Variants in CPS1 observed in about 807,000 individuals in gnomAD.
CPS1 encodes the protein carbamoyl-phosphate synthase [ammonia], mitochondrial.
CPS1 carries 109 observed loss-of-function variants against 174.6 expected under a neutral mutation model. The observed-to-expected ratio is 0.62, with a 90% CI of 0.53 to 0.73. The LOEUF (loss-of-function observed/expected upper bound fraction) is 0.73, where lower values mean the gene tolerates loss of function less well. Among genes scored for constraint, CPS1 ranks in the 30% least tolerant of loss-of-function variants. The probability of loss-of-function intolerance (pLI) is 0.00; values close to 1 mark genes in which losing one functional copy is unlikely to be tolerated. For synonymous variants in CPS1, 637 were observed against 632.0 expected (o/e 1.01, Z -0.12); for missense variants, 1,689 against 1,821.9 (o/e 0.93, Z 1.33).
At position 210,491,307 on chromosome 2, in the gene CPS1, G is replaced by GTTTTTTTTT. The variant is rs66825517; in HGVS notation, c.3+13564_3+13572dup. Among the ~76,000 whole-genome samples the GTTTTTTTTT allele has an allele frequency of 1.1e-3, 54 of 50,358 alleles. 4 individuals are homozygous for GTTTTTTTTT. The highest frequency in any genetic ancestry group is 4.1e-3 in the African/African-American group (41 of 9,986). The allele number at this position is 50,358 out of a possible 152,430, so 33.0% of individuals were successfully genotyped here. The stretch of plus-strand genomic sequence containing the variant: ...GTAAAAGCATGTATTTGGTATCTGT[G>GTTTTTTTTT]TTTTTTTTTTTTTTTTTTTTTTTTT... On this transcript the variant is annotated intron_variant, in intron 1 of 38. Coordinates refer to the CPS1 transcript ENST00000430249.
chr2:210,494,437 G>A (rs1694941034), intron 1 of CPS1, among the ~76,000 whole-genome samples: 1 of 152,100 alleles, frequency 6.6e-6, no homozygotes, highest in African/African-American at 2.4e-5. Flanking sequence ...CTTGTCAGAA[G>A]TCTTATAACT....
chr2:210,602,136 T>C, intron 15 of CPS1, 66 bp from the exon 16 acceptor site: 8 of 1,598,448 alleles, frequency 5.0e-6, no homozygotes, highest in Non-Finnish European at 6.8e-6. Flanking sequence ...CCAGACTCTC[T>C]TGGTGTGGTC....
chr2:210,577,268 G>A (rs1697743440), intron 3 of CPS1, 153 bp from the exon 4 acceptor site: 1 of 674,414 alleles, frequency 1.5e-6, no homozygotes, highest in Non-Finnish European at 2.7e-6. Flanking sequence ...TAAAAGAAGG[G>A]CATTGATTTT....
chr2:210,658,620 A>G lies in CPS1; in HGVS notation c.3688A>G (p.Ile1230Val), dbSNP rs1700803697. The change falls in exon 31 of 38, where the codon ATT becomes GTT. Residue 1230 changes from isoleucine (I) to valine (V), a missense_variant. Transcript: ENST00000233072. ...TCAGGTGAAGGATGCTACCCGGAAG[A>G]TTGCAAAGGCTTTTGCCATCTCTGG... ...IEKVKDATRK[I>V]AKAFAISGPF... The G allele has an allele frequency of 3.7e-6, 6 of 1,614,064 alleles. No homozygotes were observed. The highest frequency in any genetic ancestry group is 1.1e-5 in the South Asian group (1 of 91,082).
At chr2:210,577,560 G>T in intron 4 of CPS1, 50 bp downstream of exon 4, 1 of 1,370,296 alleles carries the variant, frequency 7.3e-7, no homozygotes. Flanking sequence ...GGTTGAGAAG[G>T]TGCCTGTAGA....
chr2:210,606,446 G>T (rs945948617), intron 17 of CPS1, among the ~76,000 whole-genome samples: 1 of 151,868 alleles, frequency 6.6e-6, no homozygotes, highest in African/African-American at 2.4e-5. Context: ...AATAATTTGA[G>T]ATGAAGAGCA....
At chr2:210,565,672 A>G (rs780496552) in intron 1 of CPS1, among the ~76,000 whole-genome samples, 4 of 152,200 alleles carry the variant, frequency 2.6e-5, no homozygotes, top group Non-Finnish European at 5.9e-5. Flanking sequence ...TGAGATTTTT[A>G]GAAAGTACAG....
intron 1 of CPS1, among the ~76,000 whole-genome samples, chr2:210,537,291 T>A (rs188116283): frequency 6.6e-6 from 1 of 152,342 alleles, no homozygotes; most frequent in Non-Finnish European, 1.5e-5. Context: ...GGTAAAACTC[T>A]TTCTATGTGA....
Position 210,599,251 on chromosome 2 carries a change from C to A in CPS1, c.1360-121C>A. On this transcript the variant is annotated intron_variant, in intron 13 of 37. Transcript: ENST00000233072. ...TAACTTCCATTCACTAGTCCTGTTA[C>A]GGATCTCTACGGCCCACAGATAACC... is the stretch of plus-strand genomic sequence containing the variant. 1 of 834,028 alleles carries A rather than the reference C, an allele frequency of 1.2e-6. No individual in the cohort carries two copies. The highest frequency in any genetic ancestry group is 2.0e-6 in the Non-Finnish European group (1 of 493,120). 51.7% of individuals were successfully genotyped at this position (834,028 alleles called of 1,614,324 possible).
chr2:210,578,750 C>G (rs559971743), intron 4 of CPS1, among the ~76,000 whole-genome samples: 1 of 152,304 alleles, frequency 6.6e-6, no homozygotes, highest in African/African-American at 2.4e-5. Flanking sequence ...CAACTATTAT[C>G]TGAATTTATC....
At position 210,651,149 on chromosome 2, in the gene CPS1, CT is replaced by C. The variant is rs371760530; in HGVS notation, c.3480+721del. Among the ~76,000 whole-genome samples the C allele has an allele frequency of 1.5e-3, 224 of 144,890 alleles. 1 individual carries two copies. Among genetic ancestry groups the C allele is most frequent in the Admixed American group, 3.2e-3 (47 of 14,504 alleles). On this transcript the variant is annotated intron_variant, in intron 28 of 37. Coordinates refer to ENST00000233072, the MANE Select transcript of CPS1 (RefSeq NM_001875.5). ...AAAAGCTTTCAAAAGCTTGTTGGGG[CT>C]TTTTTTTTTAAGGGGGAACAATTCA...
chr2:210,510,898 T>C (rs1695450349), intron 1 of CPS1, among the ~76,000 whole-genome samples: 1 of 152,140 alleles, frequency 6.6e-6, no homozygotes, highest in South Asian at 2.1e-4. Flanking sequence ...CTGAAGAGGA[T>C]GTGGAGAAAT....
At chr2:210,613,089 A>G (rs1190998163) in intron 20 of CPS1, among the ~76,000 whole-genome samples, 2 of 151,940 alleles carry the variant, frequency 1.3e-5, no homozygotes, top group Admixed American at 6.6e-5. Flanking sequence ...ACAAAGCTCT[A>G]CTGACCATTT....
chr2:210,590,141 T>C lies in CPS1; in HGVS notation c.747T>C (p.His249=), dbSNP rs1574560501. The change falls in exon 8 of 38, where the codon CAT becomes CAC. Residue 249 remains histidine, a synonymous_variant. Coordinates refer to ENST00000233072, the MANE Select transcript of CPS1 (RefSeq NM_001875.5). ...GAEVHLVPWN[H]DFTKMEYDGI... is the part of the protein sequence containing the mutation. ...AAGTGCACTTAGTTCCCTGGAACCA[T>C]GATTTCACCAAGATGGAGTATGATG... The C allele has an allele frequency of 6.2e-7, 1 of 1,612,894 alleles. No individual in the cohort carries two copies.
chr2:210,676,870 G>A, intron 36 of CPS1, 137 bp from the exon 37 acceptor site: 1 of 742,326 alleles, frequency 1.3e-6, no homozygotes, highest in Non-Finnish European at 2.4e-6. Flanking sequence ...CATCTACTTA[G>A]CAATAGAGGA....
At position 210,582,729 on chromosome 2, in the gene CPS1, AT is replaced by A; in HGVS notation, c.621+24del. ...ACCAAGGTGAGGGGTTTTCCTTTAT[AT>A]TTTGTAGTTTTATTTGATCCCATTT... On this transcript the variant is annotated intron_variant, in intron 6 of 37. Transcript: ENST00000233072. 2 of 1,572,066 alleles carry A rather than the reference AT, an allele frequency of 1.3e-6. No homozygotes were observed. The highest frequency in any genetic ancestry group is 2.2e-5 in the South Asian group (2 of 90,238).
upstream of CPS1, chr2:210,556,571 C>CATTT: frequency 6.7e-7 from 1 of 1,483,324 alleles, no homozygotes; most frequent in South Asian, 1.4e-5. Context: ...TGGCTGAAGA[C>CATTT]ATTTAATGGC....
rs538261864 is a variant in CPS1, at chr2:210,660,893, G to C, written c.3927+238G>C. Among the ~76,000 whole-genome samples the C allele has an allele frequency of 7.2e-5, 11 of 152,266 alleles. No homozygotes were observed. In the South Asian group the frequency reaches 2.3e-3, roughly 32 times the overall value. On this transcript the variant is annotated intron_variant, in intron 32 of 37. Transcript: ENST00000233072. ...AATTGTATAACTTCAAAATCAATTA[G>C]CTGAGTGAATTATAAGCTTTTTGTG...
intron 23 of CPS1, 92 bp from the exon 24 acceptor site, chr2:210,639,904 G>T (rs1489601614): frequency 1.1e-6 from 1 of 910,784 alleles, no homozygotes; most frequent in African/African-American, 1.6e-5. Flanking sequence ...AGGAAGATGA[G>T]AAATACATAC....
Sources: gnomAD v4.1 joint callset for allele counts (sites outside exome capture counted in the v4.1 genomes callset) on GRCh38, gnomAD v4.1.1 for gene constraint, MANE v1.5 for transcripts, NCBI Gene and HGNC (gene_info 2026-07-23, HGNC 2026-07-21) for gene names.